POLA1: variants seen among roughly 807,000 people sequenced by gnomAD.
POLA1 encodes DNA polymerase alpha catalytic subunit.
A neutral mutation model predicts 124.0 loss-of-function variants in POLA1; 15 were observed. The observed-to-expected ratio is 0.12, with a 90% CI of 0.08 to 0.19. The LOEUF (loss-of-function observed/expected upper bound fraction) is 0.19, where lower values mean the gene tolerates loss of function less well. Ranked by LOEUF, POLA1 falls within the 10% of genes least tolerant of loss-of-function variation. The pLI is 1.00. For synonymous variants in POLA1, 408 were observed against 389.4 expected, an observed-to-expected ratio of 1.05 and a Z score of -0.56; for missense variants, 886 against 1,103.4, an observed-to-expected ratio of 0.80 and a Z score of 2.79.
chrX:24,919,455 C>T (rs903180172), intron 35 of POLA1, among the ~76,000 whole-genome samples: 6 of 111,456 alleles, frequency 5.4e-5, no homozygotes, highest in Non-Finnish European at 9.4e-5. Flanking sequence ...CCACCACCAC[C>T]ATTTACAAAT....
intron 36 of POLA1, among the ~76,000 whole-genome samples, chrX:24,946,387 T>C (rs11573489): frequency 1.8e-5 from 2 of 110,790 alleles, no homozygotes; most frequent in African/African-American, 6.8e-5. Context: ...GTGCTCATCT[T>C]ACCTGGGGTG....
At chrX:24,970,947 T>C (rs184195877) in intron 36 of POLA1, among the ~76,000 whole-genome samples, 69 of 112,560 alleles carry the variant, frequency 6.1e-4, no homozygotes, top group Middle Eastern at 9.3e-3. Context: ...GGATACCTTC[T>C]AATTTGAGCT....
intron 36 of POLA1, among the ~76,000 whole-genome samples, chrX:24,951,789 G>A (rs2048048801): frequency 9.0e-6 from 1 of 111,548 alleles, no homozygotes; most frequent in East Asian, 2.8e-4. Context: ...CTAAACTCCT[G>A]TATTACATTT....
chrX:24,889,979 A>G (rs1401738263), intron 35 of POLA1, among the ~76,000 whole-genome samples: 2 of 112,122 alleles, frequency 1.8e-5, no homozygotes, highest in South Asian at 3.7e-4. Flanking sequence ...TCTTTTGCAT[A>G]TCCATATGTA....
Position 24,824,484 on chromosome X carries a change from CA to C in POLA1, c.3562-1932del, listed in dbSNP as rs1246397309. The stretch of plus-strand genomic sequence containing the variant: ...ACTTTTTTTTTTTTTTTTTTTTGGT[CA>C]AAAAAAAAAATGGGGGTCTCACTGT... On this transcript the variant is annotated intron_variant, in intron 31 of 36. Transcript: ENST00000379068. Among the ~76,000 whole-genome samples the C allele has an allele frequency of 2.5e-3, 160 of 63,074 alleles. 1 individual carries two copies. Among genetic ancestry groups the C allele is most frequent in the African/African-American group, 4.4e-3 (73 of 16,584 alleles). 54.8% of individuals were successfully genotyped at this position (63,074 alleles called of 115,157 possible).
intron 26 of POLA1, among the ~76,000 whole-genome samples, chrX:24,776,628 G>A (rs902567327): frequency 8.9e-6 from 1 of 112,083 alleles, no homozygotes; most frequent in African/African-American, 3.2e-5. Flanking sequence ...TTGTCACAGA[G>A]CATGGGGCCT....
chrX:24,970,310 T>C (rs1308278321), intron 36 of POLA1, among the ~76,000 whole-genome samples: 1 of 112,012 alleles, frequency 8.9e-6, no homozygotes, highest in Non-Finnish European at 1.9e-5. Context: ...TAACTCAAGA[T>C]AGATTAAAGA....
At chrX:24,783,492 A>G (rs2045304469) in intron 26 of POLA1, among the ~76,000 whole-genome samples, 1 of 112,229 alleles carries the variant, frequency 8.9e-6, no homozygotes, top group South Asian at 3.7e-4. Context: ...CTTTTGTACT[A>G]TAAATTTTTG....
At position 24,821,494 on chromosome X, in the gene POLA1, C is replaced by T. The variant is rs200688540; in HGVS notation, c.3472C>T (p.Leu1158=). Residue 1158 remains leucine, a synonymous_variant, in exon 31 of 37, where the codon CTA becomes TTA. Coordinates refer to ENST00000379068, the MANE Select transcript of POLA1 (RefSeq NM_001330360.2). ...CCAGGATTACCCTGATAAAAAAAGCCTACCTCATGTACATGTTGCCCTCTG... is the reference window on the plus strand; with the variant it reads ...CCAGGATTACCCTGATAAAAAAAGCTTACCTCATGTACATGTTGCCCTCTG... ...DPQDYPDKKS[L]PHVHVALWIN... is the part of the protein sequence containing the mutation. 2 of 1,201,001 alleles carry T rather than the reference C, an allele frequency of 1.7e-6. No individual in the cohort carries two copies. Among genetic ancestry groups the T allele is most frequent in the African/African-American group, 3.5e-5 (2 of 57,075 alleles).
intron 7 of POLA1, 121 bp from the exon 8 acceptor site, chrX:24,716,763 C>G (rs1011071857): frequency 2.3e-5 from 10 of 441,598 alleles, no homozygotes; most frequent in Non-Finnish European, 3.9e-5. Flanking sequence ...GAAGCTGTTA[C>G]ATTAATAATA....
intron 4 of POLA1, among the ~76,000 whole-genome samples, chrX:24,710,123 T>G (rs1929298290): frequency 9.0e-6 from 1 of 110,886 alleles, no homozygotes; most frequent in Non-Finnish European, 1.9e-5. Context: ...GCGCCTTTTT[T>G]TTTTTTTTTA....
intron 34 of POLA1, among the ~76,000 whole-genome samples, chrX:24,854,110 A>G (rs1352535630): frequency 1.8e-5 from 2 of 111,203 alleles, no homozygotes; most frequent in African/African-American, 3.3e-5. Context: ...CAGTGGCGCG[A>G]TCTTGGCTCA....
intron 34 of POLA1, among the ~76,000 whole-genome samples, chrX:24,872,647 A>G (rs1430558824): frequency 1.8e-5 from 2 of 111,749 alleles, no homozygotes; most frequent in East Asian, 2.8e-4. Flanking sequence ...TGGTGATTTC[A>G]GTGGAGCAAC....
intron 36 of POLA1, among the ~76,000 whole-genome samples, chrX:24,994,680 A>G (rs2048579462): frequency 9.4e-6 from 1 of 106,860 alleles, no homozygotes; most frequent in Admixed American, 1.0e-4. Flanking sequence ...TTGCGTGTCT[A>G]CAACTCTGAT....
chrX:24,845,840 A>T (rs933905540), intron 34 of POLA1, among the ~76,000 whole-genome samples: 1 of 112,217 alleles, frequency 8.9e-6, no homozygotes, highest in Non-Finnish European at 1.9e-5. Flanking sequence ...AAATGAAGGC[A>T]AGAATCTCAA....
intron 35 of POLA1, among the ~76,000 whole-genome samples, chrX:24,916,321 G>A (rs139567130): frequency 0.024 from 2,441 of 100,182 alleles, 30 homozygotes; most frequent in Admixed American, 0.052. Context: ...TCGCTGTGTC[G>A]CTCAGGCTAG....
chrX:24,920,850 A>T (rs957595072), intron 35 of POLA1, among the ~76,000 whole-genome samples: 21 of 112,403 alleles, frequency 1.9e-4, no homozygotes, highest in Non-Finnish European at 3.4e-4. Context: ...GCATACTGTG[A>T]TTTAATCCAT....
intron 34 of POLA1, among the ~76,000 whole-genome samples, chrX:24,844,185 A>G (rs767257100): frequency 8.9e-6 from 1 of 111,802 alleles, no homozygotes; most frequent in South Asian, 3.7e-4. Flanking sequence ...TTAAATTTAA[A>G]TGCAGTTTTT....
rs1398095353 is a variant in POLA1, at chrX:24,990,455, C to T, written c.4262-5350C>T. Among the ~76,000 whole-genome samples, 6 of 112,333 alleles carry T rather than the reference C, an allele frequency of 5.3e-5. No individual in the cohort carries two copies. In the South Asian group the frequency reaches 1.5e-3, roughly 28 times the overall value. On this transcript the variant is annotated intron_variant, in intron 36 of 36. Transcript: ENST00000379068. ...TTCTCCTCCCTTCCTGCTCTGAGAG[C>T]GCACAGAACTGTTTGAAATCCACTG...
Sources: allele counts gnomAD v4.1 joint callset (sites outside exome capture counted in the v4.1 genomes callset), GRCh38; gene constraint gnomAD v4.1.1; transcripts MANE v1.5; gene names NCBI Gene and HGNC (gene_info 2026-07-23, HGNC 2026-07-21).